Variants in NHS observed in about 807,000 individuals in gnomAD.
NHS encodes the protein actin remodeling regulator NHS.
NHS carries 5 observed loss-of-function variants against 72.5 expected under a neutral mutation model. The ratio of observed to expected loss-of-function variants is 0.07; its 90% CI spans 0.04 to 0.14. The LOEUF is 0.14. Ranked by LOEUF, NHS falls within the 10% of genes least tolerant of loss-of-function variation. The pLI is 1.00. For missense variants in NHS, 1,072 were observed against 1,355.7 expected (o/e 0.79, Z 3.29); for synonymous variants, 464 against 547.7 (o/e 0.85, Z 2.13).
chrX:17,589,178 A>G (rs370821058), intron 1 of NHS, among the ~76,000 whole-genome samples: 3 of 112,051 alleles, frequency 2.7e-5, no homozygotes, highest in African/African-American at 9.8e-5. Context: ...TTTTATTTCC[A>G]TAGGTTTTTG....
intron 1 of NHS, among the ~76,000 whole-genome samples, chrX:17,380,083 C>G (rs1297274848): frequency 9.0e-6 from 1 of 111,483 alleles, no homozygotes; most frequent in African/African-American, 3.3e-5. Context: ...ACTTTGAAAG[C>G]TTCACAGGGA....
At chrX:17,380,113 G>T (rs1383433858) in intron 1 of NHS, among the ~76,000 whole-genome samples, 1 of 111,856 alleles carries the variant, frequency 8.9e-6, no homozygotes, top group Non-Finnish European at 1.9e-5. Flanking sequence ...GCTGAGAAAG[G>T]ACAGCCAGAA....
chrX:17,732,203 G>A lies in NHS; in HGVS notation c.4695G>A (p.Gln1565=). Reference sequence around the variant, plus strand: ...CTCAGAGCACCGATGATGCCCATCAGGGGTCACAAGGGGCTGAGGCATTGT... The same window carrying A: ...CTCAGAGCACCGATGATGCCCATCAAGGGTCACAAGGGGCTGAGGCATTGT... ...ESPQSTDDAH[Q]GSQGAEALSP... The change falls in exon 9 of 9, where the codon CAG becomes CAA. Residue 1565 remains glutamine, a synonymous_variant. Coordinates refer to ENST00000676302, the MANE Select transcript of NHS (RefSeq NM_001291867.2). The A allele has an allele frequency of 8.3e-7, 1 of 1,211,815 alleles. No homozygotes were observed. The highest frequency in any genetic ancestry group is 3.0e-5 in the East Asian group (1 of 33,836).
At chrX:17,705,019 CT>C (rs2066288040) in intron 3 of NHS, among the ~76,000 whole-genome samples, 1 of 112,066 alleles carries the variant, frequency 8.9e-6, no homozygotes, top group African/African-American at 3.2e-5. Context: ...CTGGTTCCCC[CT>C]CTCACTTTCT....
chrX:17,603,695 C>T (rs1363990225), intron 1 of NHS, among the ~76,000 whole-genome samples: 1 of 112,106 alleles, frequency 8.9e-6, no homozygotes, highest in African/African-American at 3.2e-5. Context: ...TCTATGACTT[C>T]ACACCGTGGC....
intron 1 of NHS, among the ~76,000 whole-genome samples, chrX:17,642,048 C>T (rs755398041): frequency 2.7e-5 from 3 of 111,441 alleles, no homozygotes; most frequent in Non-Finnish European, 3.8e-5. Flanking sequence ...TGGGTTCAAG[C>T]GATTCTCCTG....
At chrX:17,498,707 T>C (rs996230220) in intron 1 of NHS, among the ~76,000 whole-genome samples, 4 of 111,518 alleles carry the variant, frequency 3.6e-5, no homozygotes, top group Non-Finnish European at 7.5e-5. Flanking sequence ...CCCAAACTCA[T>C]ACTTCCATGA....
At position 17,616,892 on chromosome X, in the gene NHS, C is replaced by T. The variant is rs111540209; in HGVS notation, c.566-70850C>T. Among the ~76,000 whole-genome samples the T allele has an allele frequency of 6.7e-3, 751 of 112,118 alleles. 9 individuals are homozygous for T. Among genetic ancestry groups the T allele is most frequent in the African/African-American group, 0.023 (714 of 30,884 alleles). ...CCCAATAGCCACATGTGACTAGTAGCAATTGTTTCGGGGCATACAGTCTTA... is the reference window on the plus strand; with the variant it reads ...CCCAATAGCCACATGTGACTAGTAGTAATTGTTTCGGGGCATACAGTCTTA... On this transcript the variant is annotated intron_variant, in intron 1 of 8. Coordinates refer to ENST00000676302, the MANE Select transcript of NHS (RefSeq NM_001291867.2).
intron 1 of NHS, among the ~76,000 whole-genome samples, chrX:17,487,921 G>A (rs2064973846): frequency 8.9e-6 from 1 of 111,753 alleles, no homozygotes; most frequent in Non-Finnish European, 1.9e-5. Flanking sequence ...GCTCTCTGCA[G>A]TGTGGTGGGG....
At chrX:17,518,417 C>G (rs896771276) in intron 1 of NHS, among the ~76,000 whole-genome samples, 1 of 111,715 alleles carries the variant, frequency 9.0e-6, no homozygotes, top group African/African-American at 3.3e-5. Flanking sequence ...AAGGAGTGAA[C>G]GCATGGCCAC....
At chrX:17,708,443 G>T (rs2066309022) in intron 3 of NHS, among the ~76,000 whole-genome samples, 1 of 111,631 alleles carries the variant, frequency 9.0e-6, no homozygotes, top group Admixed American at 9.6e-5. Context: ...TCTTCTCATT[G>T]ACTCCTTCAT....
intron 1 of NHS, among the ~76,000 whole-genome samples, chrX:17,438,073 A>G (rs1420891518): frequency 1.8e-5 from 2 of 112,408 alleles, no homozygotes; most frequent in Admixed American, 1.9e-4. Context: ...GCCATCAGGT[A>G]TGCGGGTTTG....
intron 4 of NHS, among the ~76,000 whole-genome samples, chrX:17,719,623 C>G (rs747209389): frequency 5.2e-4 from 57 of 109,861 alleles, no homozygotes; most frequent in African/African-American, 1.8e-3. Context: ...TCACTGCCCC[C>G]CACTCTGCAA....
chrX:17,735,894 A>G lies in NHS; in HGVS notation c.*3430A>G, dbSNP rs1266682319. 4 of 112,451 alleles carry G rather than the reference A, an allele frequency of 3.6e-5. No homozygotes were observed. Among genetic ancestry groups the G allele is most frequent in the African/African-American group, 1.3e-4 (4 of 30,758 alleles). The allele number at this position is 112,451 out of a possible 1,213,427, so 9.3% of individuals were successfully genotyped here. A position where few individuals can be genotyped will look rare whatever the true frequency, so the allele number is the denominator to read the frequency against. On this transcript the variant is annotated 3_prime_UTR_variant, in exon 9 of 9. Transcript: ENST00000676302. The stretch of plus-strand genomic sequence containing the variant: ...GTATTTATTTTTAGTAAAAATGGTG[A>G]CAGTTTCATTGTGAACCCCTCTCAA...
rs2065142111 is a variant in NHS at position 17,520,296 on chromosome X, C to T, written c.565+143974C>T. 2.7e-5 allele frequency among the ~76,000 whole-genome samples: 3 copies of T among 112,060 alleles called. No homozygotes were observed. The South Asian group carries it at 1.1e-3, about 42-fold the overall frequency. On this transcript the variant is annotated intron_variant, in intron 1 of 8. Transcript: ENST00000676302. The stretch of plus-strand genomic sequence containing the variant: ...CTTTTTCATTTTTGTTTTCTTTCTC[C>T]TGCAAACATGGAAAATAGGAATGTC...
intron 1 of NHS, among the ~76,000 whole-genome samples, chrX:17,493,436 T>C (rs1011451399): frequency 5.4e-5 from 6 of 112,098 alleles, no homozygotes; most frequent in African/African-American, 1.9e-4. Flanking sequence ...TTTATTCATT[T>C]CCACATCTAT....
chrX:17,613,950 G>A (rs1174812215), intron 1 of NHS, among the ~76,000 whole-genome samples: 10 of 112,258 alleles, frequency 8.9e-5, no homozygotes, highest in African/African-American at 3.2e-4. Flanking sequence ...TAATGGGTTT[G>A]TGATTAATCT....
intron 1 of NHS, among the ~76,000 whole-genome samples, chrX:17,612,729 C>T (rs1396588301): frequency 9.0e-6 from 1 of 111,556 alleles, no homozygotes; most frequent in African/African-American, 3.3e-5. Context: ...CACTGTTTCC[C>T]ATGTTTTTGT....
chrX:17,731,619 C>T (rs1461745357), intron 8 of NHS, among the ~76,000 whole-genome samples: 1 of 111,134 alleles, frequency 9.0e-6, no homozygotes, highest in Non-Finnish European at 1.9e-5. Context: ...CTGAAATGAT[C>T]ATCTCTAGAA....
Sources: allele counts gnomAD v4.1 joint callset (sites outside exome capture counted in the v4.1 genomes callset), GRCh38; gene constraint gnomAD v4.1.1; transcripts MANE v1.5; gene names NCBI Gene and HGNC (gene_info 2026-07-23, HGNC 2026-07-21).